CADM2: variants seen among roughly 807,000 people sequenced by gnomAD.
CADM2 encodes cell adhesion molecule 2, also known as immunoglobulin superfamily member 4D.
A neutral mutation model predicts 49.8 loss-of-function variants in CADM2; 12 were observed. That is an observed-to-expected ratio of 0.24 (90% confidence interval 0.15 to 0.39). CADM2 has a LOEUF of 0.39. Ranked by LOEUF, CADM2 falls within the 10% of genes least tolerant of loss-of-function variation. CADM2 has a pLI of 1.00. For synonymous variants in CADM2, 214 were observed against 175.4 expected, an observed-to-expected ratio of 1.22 and a Z score of -1.74; for missense variants, 378 against 492.3, an observed-to-expected ratio of 0.77 and a Z score of 2.20.
In CADM2 at chr3:86,054,536, G is replaced by A. The variant is rs909863092; in HGVS notation, c.971-11069G>A. ...TCCATCAGATGTATTTATACACATG[G>A]ATAAACATCACAGTCAATTGGTACA... On this transcript the variant is annotated intron_variant, in intron 8 of 9. Coordinates refer to ENST00000383699, the MANE Select transcript of CADM2 (RefSeq NM_001167675.2). Among the ~76,000 whole-genome samples, 16 of 151,962 alleles carry A rather than the reference G, an allele frequency of 1.1e-4. 1 individual carries two copies. Among genetic ancestry groups the A allele is most frequent in the Non-Finnish European group, 1.5e-5 (1 of 67,936 alleles).
Position 85,568,859 on chromosome 3 carries a change from C to T in CADM2, c.62-157663C>T, listed in dbSNP as rs564422067. On this transcript the variant is annotated intron_variant, in intron 1 of 9. Transcript: ENST00000383699. ...CTGACTTCAGGTGATCCGTCCACCT[C>T]GGCCTTCCAATACGGACAATATTCT... Among the ~76,000 whole-genome samples the T allele has an allele frequency of 4.9e-3, 747 of 152,040 alleles. 2 individuals are homozygous for T. Among genetic ancestry groups the T allele is most frequent in the Non-Finnish European group, 7.7e-3 (522 of 67,974 alleles).
At chr3:85,769,612 A>G (rs936934062) in intron 2 of CADM2, among the ~76,000 whole-genome samples, 3 of 100,372 alleles carry the variant, frequency 3.0e-5, no homozygotes, top group African/African-American at 9.7e-5. Flanking sequence ...ATATACATAT[A>G]TACATATATA....
chr3:85,329,308 A>T (rs181740994), intron 1 of CADM2, among the ~76,000 whole-genome samples: 1 of 152,106 alleles, frequency 6.6e-6, no homozygotes, highest in East Asian at 1.9e-4. Flanking sequence ...AGGCCGAGGG[A>T]GGAAGATCAC....
At chr3:85,974,609 G>A (rs987994178) in intron 8 of CADM2, among the ~76,000 whole-genome samples, 2 of 151,604 alleles carry the variant, frequency 1.3e-5, no homozygotes, top group Non-Finnish European at 3.0e-5. Context: ...TTTAGCCATG[G>A]TCCTGTAAAC....
In CADM2 at chr3:85,068,884, A is replaced by G. The variant is rs17791975; in HGVS notation, c.61+109216A>G. Among the ~76,000 whole-genome samples, 1,199 of 152,022 alleles carry G rather than the reference A, an allele frequency of 7.9e-3. 13 individuals carry two copies. Among genetic ancestry groups the G allele is most frequent in the Middle Eastern group, 0.014 (4 of 294 alleles). On this transcript the variant is annotated intron_variant, in intron 1 of 9. Coordinates refer to ENST00000383699, the MANE Select transcript of CADM2 (RefSeq NM_001167675.2). ...CACATCATTTTCTGAAGATTGTTCTATGGTAATGAATTAGTCATTTTCATG... is the reference window on the plus strand; with the variant it reads ...CACATCATTTTCTGAAGATTGTTCTGTGGTAATGAATTAGTCATTTTCATG...
chr3:86,013,593 A>C, intron 8 of CADM2: 1 of 1,600,530 alleles, frequency 6.2e-7, no homozygotes, highest in Non-Finnish European at 8.5e-7. Flanking sequence ...AGAAACTCTC[A>C]GGGAAGAGAG....
At chr3:85,749,677 A>G (rs2068783703) in intron 2 of CADM2, among the ~76,000 whole-genome samples, 1 of 152,042 alleles carries the variant, frequency 6.6e-6, no homozygotes, top group South Asian at 2.1e-4. Context: ...AGAGGAAGAA[A>G]TATGTGGTAG....
At chr3:85,212,145 T>C (rs922463168) in intron 1 of CADM2, among the ~76,000 whole-genome samples, 11 of 152,154 alleles carry the variant, frequency 7.2e-5, no homozygotes, top group Non-Finnish European at 1.3e-4. Context: ...TTTCTATCTC[T>C]TTTTGTTCAG....
chr3:85,878,844 G>T lies in CADM2; in HGVS notation c.239-4447G>T, dbSNP rs540826810. Among the ~76,000 whole-genome samples, 9 of 152,156 alleles carry T rather than the reference G, an allele frequency of 5.9e-5. 1 individual carries two copies. Among genetic ancestry groups the T allele is most frequent in the African/African-American group, 2.2e-4 (9 of 41,560 alleles). Reference sequence around the variant, plus strand: ...AATTCCTTTTGTCTGGATTCACTGAGAATTGTAAGCTCTGTCTGTGTCAGT... The same window carrying T: ...AATTCCTTTTGTCTGGATTCACTGATAATTGTAAGCTCTGTCTGTGTCAGT... On this transcript the variant is annotated intron_variant, in intron 3 of 9. Transcript: ENST00000383699.
intron 1 of CADM2, among the ~76,000 whole-genome samples, chr3:85,388,560 C>T (rs1270428252): frequency 1.3e-5 from 2 of 152,102 alleles, no homozygotes; most frequent in Admixed American, 6.6e-5. Context: ...ATGTCATCTT[C>T]TTGATATGGC....
intron 4 of CADM2, among the ~76,000 whole-genome samples, chr3:85,883,781 A>G (rs557728915): frequency 3.9e-5 from 6 of 152,264 alleles, no homozygotes; most frequent in Non-Finnish European, 8.8e-5. Context: ...TCCTTTTACG[A>G]CATGACACAA....
At chr3:85,087,895 A>C (rs2037444714) in intron 1 of CADM2, among the ~76,000 whole-genome samples, 1 of 152,172 alleles carries the variant, frequency 6.6e-6, no homozygotes, top group African/African-American at 2.4e-5. Context: ...CAGTTTTGAC[A>C]TATTTCTGCT....
intron 1 of CADM2, among the ~76,000 whole-genome samples, chr3:85,094,252 C>A (rs2107529418): frequency 6.6e-6 from 1 of 152,132 alleles, no homozygotes; most frequent in Non-Finnish European, 1.5e-5. Flanking sequence ...TTTATGCTAT[C>A]ATCATACCTT....
rs139607907 is a variant in CADM2, at chr3:85,534,054, G to T, written c.62-192468G>T. On this transcript the variant is annotated intron_variant, in intron 1 of 9. Transcript: ENST00000383699. ...AATCTGAAATCTCCATATTTACTCA[G>T]ATGTGTAGCATATGTTGATATTTTC... Among the ~76,000 whole-genome samples the T allele has an allele frequency of 4.3e-3, 661 of 152,270 alleles. 2 individuals carry two copies. Among genetic ancestry groups the T allele is most frequent in the Middle Eastern group, 0.014 (4 of 292 alleles).
intron 8 of CADM2, among the ~76,000 whole-genome samples, chr3:86,004,169 G>C (rs915507964): frequency 6.8e-6 from 1 of 147,624 alleles, no homozygotes; most frequent in Non-Finnish European, 1.5e-5. Flanking sequence ...AACAAAAAAC[G>C]AAGAGTTTCC....
intron 1 of CADM2, among the ~76,000 whole-genome samples, chr3:85,249,454 CA>C (rs928369274): frequency 1.9e-3 from 272 of 145,692 alleles, no homozygotes; most frequent in African/African-American, 6.1e-3. Flanking sequence ...AACATCTTGA[CA>C]AAAAAAAAAT....
At chr3:85,095,933 G>A (rs1222049539) in intron 1 of CADM2, among the ~76,000 whole-genome samples, 1 of 151,942 alleles carries the variant, frequency 6.6e-6, no homozygotes, top group African/African-American at 2.4e-5. Context: ...GATATGTTGT[G>A]CAGTTGAGAT....
At chr3:85,101,037 C>G (rs1035078438) in intron 1 of CADM2, among the ~76,000 whole-genome samples, 21 of 152,088 alleles carry the variant, frequency 1.4e-4, no homozygotes, top group Admixed American at 5.9e-4. Flanking sequence ...AGGCGGATCA[C>G]AAGGTTAGGA....
At chr3:85,222,602 G>GT (rs1195853110) in intron 1 of CADM2, among the ~76,000 whole-genome samples, 1 of 152,014 alleles carries the variant, frequency 6.6e-6, no homozygotes, top group African/African-American at 2.4e-5. Context: ...TCCAATCCAG[G>GT]TATCTACTTT....
Sources: allele counts gnomAD v4.1 joint callset (sites outside exome capture counted in the v4.1 genomes callset), GRCh38; gene constraint gnomAD v4.1.1; transcripts MANE v1.5; gene names NCBI Gene and HGNC (gene_info 2026-07-23, HGNC 2026-07-21).